The following MAD1L1 variants were observed in gnomAD, a reference collection of about 807,000 sequenced individuals.
MAD1L1 encodes the protein mitotic arrest deficient 1 like 1.
Under a neutral mutation model 96.9 loss-of-function variants are expected in MAD1L1, and 95 were observed. That is an observed-to-expected ratio of 0.98 (90% confidence interval 0.83 to 1.16). The LOEUF (loss-of-function observed/expected upper bound fraction) is 1.16, where lower values mean the gene tolerates loss of function less well. MAD1L1 is among the 50% of genes most tolerant of loss of function. MAD1L1 has a pLI of 0.00. For synonymous variants in MAD1L1, 473 were observed against 396.6 expected (o/e 1.19, Z -2.29); for missense variants, 1,007 against 954.4 (o/e 1.06, Z -0.73).
chr7:1,893,021 G>C (rs563134584), intron 18 of MAD1L1, among the ~76,000 whole-genome samples: 1 of 152,314 alleles, frequency 6.6e-6, no homozygotes, highest in South Asian at 2.1e-4. Context: ...GAGTGCAGCC[G>C]GGATGGAGAG....
chr7:1,962,130 C>G (rs4721250), intron 15 of MAD1L1, among the ~76,000 whole-genome samples: 149,577 of 152,100 alleles, frequency 0.98, 73,590 homozygotes, highest in Non-Finnish European at 1. Flanking sequence ...CCATTCTCAT[C>G]TATTGTGGGA....
At chr7:2,096,025 A>G (rs953332536) in intron 11 of MAD1L1, among the ~76,000 whole-genome samples, 1 of 152,240 alleles carries the variant, frequency 6.6e-6, no homozygotes, top group African/African-American at 2.4e-5. Flanking sequence ...GGGCTCCCCC[A>G]GGCCTGATCA....
At chr7:2,168,950 G>A (rs923132181) in intron 10 of MAD1L1, among the ~76,000 whole-genome samples, 7 of 152,244 alleles carry the variant, frequency 4.6e-5, no homozygotes, top group South Asian at 4.1e-4. Flanking sequence ...ACACGCGCTC[G>A]GACTTGCTGA....
intron 5 of MAD1L1, among the ~76,000 whole-genome samples, chr7:2,220,120 A>G (rs1793516033): frequency 1.3e-5 from 2 of 152,098 alleles, no homozygotes; most frequent in South Asian, 4.1e-4. Context: ...CCCTCACACC[A>G]CAGCAAGGCA....
At chr7:1,888,399 CGT>C (rs1352655325) in intron 18 of MAD1L1, among the ~76,000 whole-genome samples, 1 of 114,020 alleles carries the variant, frequency 8.8e-6, no homozygotes, top group Non-Finnish European at 1.7e-5. Flanking sequence ...TGTGTGCATG[CGT>C]GTGGCTGCCT....
intron 17 of MAD1L1, among the ~76,000 whole-genome samples, chr7:1,911,029 T>G (rs1583753114): frequency 6.6e-6 from 1 of 152,314 alleles, no homozygotes; most frequent in East Asian, 1.9e-4. Flanking sequence ...CAGCTGCCTG[T>G]GCCCACAGCC....
intron 17 of MAD1L1, among the ~76,000 whole-genome samples, chr7:1,929,445 C>T (rs914067856): frequency 1.3e-5 from 2 of 152,162 alleles, no homozygotes; most frequent in Admixed American, 6.5e-5. Flanking sequence ...CACGGGAGGC[C>T]GGGCTTTGGG....
intron 18 of MAD1L1, among the ~76,000 whole-genome samples, chr7:1,890,403 C>A (rs963878957): frequency 2.6e-5 from 4 of 152,214 alleles, no homozygotes; most frequent in Non-Finnish European, 5.9e-5. Flanking sequence ...CACCCCACCC[C>A]TTTGGCCTCC....
chr7:1,924,931 C>CAGAA (rs1462378697), intron 17 of MAD1L1, among the ~76,000 whole-genome samples: 7 of 151,546 alleles, frequency 4.6e-5, no homozygotes, highest in African/African-American at 1.7e-4. Context: ...TTGTAAACCA[C>CAGAA]AGAAAAATCA....
intron 16 of MAD1L1, among the ~76,000 whole-genome samples, chr7:1,943,338 G>A (rs936709631): frequency 6.6e-6 from 1 of 152,230 alleles, no homozygotes; most frequent in Non-Finnish European, 1.5e-5. Flanking sequence ...CAGAATGGGA[G>A]AAAATGTCTG....
chr7:2,179,708 G>A lies in MAD1L1; in HGVS notation c.987-30470C>T, dbSNP rs183452404. Among the ~76,000 whole-genome samples the A allele has an allele frequency of 3.5e-4, 53 of 152,084 alleles. No individual in the cohort carries two copies. The East Asian group carries it at 7.6e-3, about 22-fold the overall frequency. On this transcript the variant is annotated intron_variant, in intron 10 of 18. Transcript: ENST00000265854. ...TCTTAGGCCGAGCATGGTGGCTCAC[G>A]CCTGTAATCCCAGCACTTTGGGAGG...
At chr7:1,817,684 A>G (rs1311450103) in intron 18 of MAD1L1, among the ~76,000 whole-genome samples, 4 of 152,212 alleles carry the variant, frequency 2.6e-5, no homozygotes, top group Middle Eastern at 3.4e-3. Flanking sequence ...AGACTAATGG[A>G]GCGCTAGACG....
intron 10 of MAD1L1, among the ~76,000 whole-genome samples, chr7:2,199,102 C>T (rs916730799): frequency 3.3e-5 from 5 of 152,340 alleles, no homozygotes; most frequent in African/African-American, 9.6e-5. Flanking sequence ...GAGAAAGATG[C>T]GCAACTCCAG....
At chr7:2,081,735 G>A (rs559311458) in intron 11 of MAD1L1, among the ~76,000 whole-genome samples, 52 of 152,382 alleles carry the variant, frequency 3.4e-4, no homozygotes, top group Admixed American at 6.5e-4. Context: ...GGCGGAGGGG[G>A]CAGGAGCTAA....
intron 12 of MAD1L1, among the ~76,000 whole-genome samples, chr7:2,063,005 T>C (rs943223157): frequency 3.3e-5 from 5 of 152,122 alleles, no homozygotes; most frequent in Non-Finnish European, 7.4e-5. Flanking sequence ...AGCGGAGCAA[T>C]GTTTAAAGAT....
intron 18 of MAD1L1, among the ~76,000 whole-genome samples, chr7:1,836,234 C>A (rs965701088): frequency 6.6e-5 from 10 of 152,042 alleles, no homozygotes; most frequent in African/African-American, 2.4e-4. Context: ...GTTGGTCAGG[C>A]TGTTCTTGAA....
intron 12 of MAD1L1, among the ~76,000 whole-genome samples, chr7:2,026,723 T>C (rs748980772): frequency 6.6e-6 from 1 of 152,174 alleles, no homozygotes; most frequent in Non-Finnish European, 1.5e-5. Flanking sequence ...ACAATGGAAA[T>C]TGATAAATGA....
intron 11 of MAD1L1, among the ~76,000 whole-genome samples, chr7:2,105,971 C>T (rs1355314169): frequency 6.9e-6 from 1 of 144,502 alleles, no homozygotes; most frequent in Non-Finnish European, 1.5e-5. Context: ...ACACCTCAGC[C>T]CTGCCCCTGC....
chr7:1,962,373 T>G (rs751597899), intron 15 of MAD1L1, among the ~76,000 whole-genome samples: 3 of 152,240 alleles, frequency 2.0e-5, no homozygotes, highest in Non-Finnish European at 4.4e-5. Flanking sequence ...CTTTATAAAT[T>G]ACTCAGTCCG....
Sources: gnomAD v4.1 joint callset for allele counts (sites outside exome capture counted in the v4.1 genomes callset) on GRCh38, gnomAD v4.1.1 for gene constraint, MANE v1.5 for transcripts, NCBI Gene and HGNC (gene_info 2026-07-23, HGNC 2026-07-21) for gene names.